The following CIROZ variants were observed in gnomAD, a reference collection of about 807,000 sequenced individuals.
CIROZ encodes the protein ciliated left-right organizer ZP-N domains-containing protein.
chr1:10,975,227 G>A, the CIROZ span, among the ~76,000 whole-genome samples: 595 of 152,096 alleles, frequency 3.9e-3, 1 homozygote, highest in Non-Finnish European at 6.4e-3. Flanking sequence ...CTAACATGGC[G>A]AAACCCCGTC....
the CIROZ span, among the ~76,000 whole-genome samples, chr1:10,963,784 T>A: frequency 6.6e-6 from 1 of 151,274 alleles, no homozygotes. Context: ...ATTTTTTCAA[T>A]CCAGAGAGAA....
At chr1:10,947,625 G>A in the CIROZ span, 2 of 1,408,600 alleles carry the variant, frequency 1.4e-6, no homozygotes, top group Middle Eastern at 2.2e-4. Context: ...ACCTCCCCAG[G>A]GTGCACCCAG....
the CIROZ span, among the ~76,000 whole-genome samples, chr1:10,981,715 C>T: frequency 2.6e-5 from 4 of 152,132 alleles, no homozygotes; most frequent in South Asian, 2.1e-4. Flanking sequence ...ACAAGGAAGA[C>T]GTGTTCTGTT....
the CIROZ span, among the ~76,000 whole-genome samples, chr1:10,962,949 G>A: frequency 2.0e-5 from 3 of 151,488 alleles, no homozygotes; most frequent in African/African-American, 7.3e-5. Context: ...GTGAGACGCC[G>A]TCTCTACAAA....
the CIROZ span, among the ~76,000 whole-genome samples, chr1:10,975,795 T>C: frequency 2.0e-5 from 3 of 152,110 alleles, no homozygotes; most frequent in African/African-American, 7.2e-5. Flanking sequence ...CTCACTCCTC[T>C]GGACTTCGCG....
the CIROZ span, among the ~76,000 whole-genome samples, chr1:10,956,322 G>A: frequency 2.0e-5 from 3 of 152,052 alleles, no homozygotes; most frequent in African/African-American, 7.2e-5. Flanking sequence ...GGTCTAGATA[G>A]GGGGTCCCCA....
chr1:10,956,769 G>A, the CIROZ span, among the ~76,000 whole-genome samples: 12 of 152,038 alleles, frequency 7.9e-5, no homozygotes, highest in Admixed American at 2.6e-4. Flanking sequence ...GAGCCACCGC[G>A]CCCGGCCGAT....
chr1:10,957,901 A>C, the CIROZ span: 1 of 880,502 alleles, frequency 1.1e-6, no homozygotes, highest in Non-Finnish European at 1.7e-6. Context: ...ACGGCAGGCC[A>C]CTCTGGGAGG....
the CIROZ span, chr1:10,969,928 A>T: frequency 6.7e-7 from 1 of 1,487,976 alleles, no homozygotes; most frequent in South Asian, 1.3e-5. Context: ...GCAACACAAA[A>T]GCCCCAGCAA....
At chr1:10,974,364 C>G in the CIROZ span, among the ~76,000 whole-genome samples, 1 of 152,110 alleles carries the variant, frequency 6.6e-6, no homozygotes, top group Non-Finnish European at 1.5e-5. This position sits in a 1 kb window ranked among gnomAD's most constrained non-coding sequence, Gnocchi z 4.4. Flanking sequence ...AGTACCCTCT[C>G]TGCTGAGAGC....
chr1:10,955,844 C>CAA, the CIROZ span, among the ~76,000 whole-genome samples: 135 of 98,366 alleles, frequency 1.4e-3, 3 homozygotes, highest in South Asian at 0.014. Context: ...AACTCCATCT[C>CAA]AAAAAAAAAA....
chr1:10,969,985 T>A, the CIROZ span: 1 of 1,536,508 alleles, frequency 6.5e-7, no homozygotes, highest in East Asian at 2.4e-5. Context: ...AAGTGCAAGG[T>A]CCTGGCCAGC....
chr1:10,969,940 G>A, the CIROZ span: 1 of 1,508,534 alleles, frequency 6.6e-7, no homozygotes, highest in Non-Finnish European at 8.8e-7. Context: ...CCCCAGCAAA[G>A]ACCCCGCCCA....
chr1:10,947,586 C>T, the CIROZ span: 12 of 1,233,598 alleles, frequency 9.7e-6, 1 homozygote, highest in African/African-American at 9.1e-5. Context: ...CCAGGCCGAC[C>T]CATCACTGCC....
chr1:10,947,830 CTCCTGTGGGAGCCCA>C, the CIROZ span: 2 of 1,601,618 alleles, frequency 1.2e-6, no homozygotes, highest in Non-Finnish European at 1.7e-6. Context: ...GGTAGCAACA[CTCCTGTGGGAGCCCA>C]CAGGCTCAGG....
chr1:10,972,915 C>G, the CIROZ span, among the ~76,000 whole-genome samples: 1 of 83,688 alleles, frequency 1.2e-5, no homozygotes, highest in Admixed American at 1.1e-4. Context: ...AGCGAGATGC[C>G]CCCCCCATCT....
the CIROZ span, among the ~76,000 whole-genome samples, chr1:10,956,773 G>A: frequency 2.0e-5 from 3 of 152,086 alleles, no homozygotes; most frequent in African/African-American, 4.8e-5. Context: ...CACCGCGCCC[G>A]GCCGATGATT....
the CIROZ span, chr1:10,976,091 C>T: frequency 1.4e-6 from 2 of 1,384,578 alleles, no homozygotes; most frequent in Non-Finnish European, 2.0e-6. Flanking sequence ...CAGGTTGGTT[C>T]TCAGTCTGCT....
chr1:10,947,909 C>T, the CIROZ span: 1 of 1,613,762 alleles, frequency 6.2e-7, no homozygotes, highest in Non-Finnish European at 8.5e-7. Context: ...CCTCCTGGCC[C>T]ACAGGCCAGC....
Sources: allele counts gnomAD v4.1 joint callset (sites outside exome capture counted in the v4.1 genomes callset), GRCh38; gene constraint gnomAD v4.1.1; non-coding constraint Gnocchi (gnomAD v3.1); transcripts MANE v1.5; gene names NCBI Gene and HGNC (gene_info 2026-07-23, HGNC 2026-07-21).